The following TELO2 variants were observed in gnomAD, a reference collection of about 807,000 sequenced individuals.
TELO2 encodes telomere maintenance 2.
A neutral mutation model predicts 91.0 loss-of-function variants in TELO2; 71 were observed. The observed-to-expected ratio is 0.78, with a 90% CI of 0.64 to 0.95. TELO2 has a LOEUF of 0.95. Among genes scored for constraint, TELO2 ranks in the 40% least tolerant of loss-of-function variants. TELO2 has a pLI of 0.00. For synonymous variants in TELO2, 584 were observed against 518.9 expected (o/e 1.13, Z -1.71); for missense variants, 1,183 against 1,141.3 (o/e 1.04, Z -0.53).
At position 1,507,633 on chromosome 16, in the gene TELO2, C is replaced by T. The variant is rs930999564; in HGVS notation, c.2324C>T (p.Ser775Phe). ...YVRQGLLSAV[S>F]SVLLSLPAAR... Reference sequence around the variant, plus strand: ...CGCCAGGGGCTGTTGTCGGCCGTCTCCTCCGTCCTGCTCAGCCTGCCTGCT... The same window carrying T: ...CGCCAGGGGCTGTTGTCGGCCGTCTTCTCCGTCCTGCTCAGCCTGCCTGCT... The change falls in exon 20 of 21, where the codon TCC becomes TTC. Residue 775 changes from serine to phenylalanine, a missense_variant. Physicochemically the swap from Ser to Phe is radical, Grantham distance 155 (BLOSUM62 -2). Transcript: ENST00000262319. 2.5e-6 allele frequency: 4 copies of T among 1,598,168 alleles called. No homozygotes were observed. The African/African-American group carries it at 4.0e-5, about 16-fold the overall frequency.
Position 1,500,478 on chromosome 16 carries a change from C to T in TELO2, c.1134C>T (p.Asp378=). The T allele has an allele frequency of 6.2e-7, 1 of 1,610,912 alleles. No individual in the cohort carries two copies. Among genetic ancestry groups the T allele is most frequent in the South Asian group, 1.1e-5 (1 of 90,780 alleles). Residue 378 remains aspartate (D), a synonymous_variant, in exon 8 of 21, where the codon GAC becomes GAT. Transcript: ENST00000262319. ...LAQLGEPELR[D]SRDELLASMM... is the part of the protein sequence containing the mutation. ...AACTCGGGGAGCCGGAACTGCGGGACAGCCGGGATGGTGAGCGGGTGGTTT... is the reference window on the plus strand; with the variant it reads ...AACTCGGGGAGCCGGAACTGCGGGATAGCCGGGATGGTGAGCGGGTGGTTT...
rs147414255 is a variant in TELO2, at chr16:1,510,184, G to A, written c.*248G>A. The A allele has an allele frequency of 1.2e-5, 6 of 514,012 alleles. No homozygotes were observed. Among genetic ancestry groups the A allele is most frequent in the East Asian group, 7.1e-5 (2 of 28,284 alleles). 31.8% of individuals were successfully genotyped at this position (514,012 alleles called of 1,614,324 possible). On this transcript the variant is annotated 3_prime_UTR_variant, in exon 21 of 21. Coordinates refer to ENST00000262319, the MANE Select transcript of TELO2 (RefSeq NM_016111.4). ...TGGACGTGGGGCTGGGGCTGTGGGC[G>A]CTGCTGGCGGGGTTGACTCTTCCAG... is the stretch of plus-strand genomic sequence containing the variant.
chr16:1,499,967 C>A, intron 6 of TELO2, 129 bp from the exon 7 acceptor site: 1 of 1,117,312 alleles, frequency 9.0e-7, no homozygotes, highest in Non-Finnish European at 1.2e-6. Flanking sequence ...AGGCAGTGGC[C>A]GCCCCCATGC....
chr16:1,509,367 C>T (rs951377632), intron 20 of TELO2, among the ~76,000 whole-genome samples: 16 of 152,216 alleles, frequency 1.1e-4, no homozygotes, highest in Non-Finnish European at 1.9e-4. Context: ...CCCCAGGCTG[C>T]AGGAGGCCTT....
In TELO2 at chr16:1,494,602, C is replaced by T. The variant is rs537093632; in HGVS notation, c.321C>T (p.Ile107=). ...CCTTCCTGGTGTTGATGGAGACCAT[C>T]GAGGGTGCTGCGGGGTGAGTGGGCT... ...DQAFLVLMET[I]EGAAGPSFRL... Residue 107 remains isoleucine, a synonymous_variant, in exon 2 of 21, where the codon ATC becomes ATT. Coordinates refer to ENST00000262319, the MANE Select transcript of TELO2 (RefSeq NM_016111.4). The surrounding 1 kb of genome is among the most constrained non-coding windows in gnomAD (Gnocchi z 5.6). 41 of 1,612,610 alleles carry T rather than the reference C, an allele frequency of 2.5e-5. No individual in the cohort carries two copies. The East Asian group carries it at 8.5e-4, about 33-fold the overall frequency.
At chr16:1,500,840 C>A (rs2039654024) in intron 9 of TELO2, 141 bp downstream of exon 9, 6 of 1,381,934 alleles carry the variant, frequency 4.3e-6, no homozygotes, top group Non-Finnish European at 5.8e-6. Flanking sequence ...AGGGCTGAGG[C>A]TGGAAGCTGT....
intron 2 of TELO2, 71 bp from the exon 3 acceptor site, chr16:1,495,275 G>C (rs1416867504): frequency 1.0e-5 from 15 of 1,482,464 alleles, no homozygotes; most frequent in Non-Finnish European, 1.4e-5. Flanking sequence ...CGGGCTGCTG[G>C]TTCCTTGTGG....
Position 1,494,452 on chromosome 16 carries a change from C to T in TELO2, c.171C>T (p.Ala57=). The change falls in exon 2 of 21, where the codon GCC becomes GCT. Residue 57 remains alanine (A), a synonymous_variant. Coordinates refer to ENST00000262319, the MANE Select transcript of TELO2 (RefSeq NM_016111.4). This position sits in a 1 kb window ranked among gnomAD's most constrained non-coding sequence, Gnocchi z 5.6. ...LPREKEEFAS[A]HFSPVLRCLA... ...GGGAGAAGGAGGAGTTTGCCTCGGC[C>T]CACTTCTCGCCTGTCCTCAGATGTC... is the stretch of plus-strand genomic sequence containing the variant. The T allele has an allele frequency of 1.2e-6, 2 of 1,613,402 alleles. No individual in the cohort carries two copies. Among genetic ancestry groups the T allele is most frequent in the Non-Finnish European group, 1.7e-6 (2 of 1,179,974 alleles).
chr16:1,503,937 A>C (rs2039793877), intron 15 of TELO2, among the ~76,000 whole-genome samples: 1 of 151,872 alleles, frequency 6.6e-6, no homozygotes, highest in Non-Finnish European at 1.5e-5. Flanking sequence ...TTTGAGATCA[A>C]CCTGGTCAAC....
chr16:1,509,672 C>T (rs2040058407), intron 20 of TELO2, among the ~76,000 whole-genome samples, 158 bp from the exon 21 acceptor site: 1 of 152,256 alleles, frequency 6.6e-6, no homozygotes, highest in Admixed American at 6.5e-5. Context: ...ATGCAGGCCC[C>T]AAGGCCGTGG....
At chr16:1,501,581 ACC>A in intron 10 of TELO2, 80 bp from the exon 11 acceptor site, 1 of 1,565,870 alleles carries the variant, frequency 6.4e-7, no homozygotes, top group East Asian at 2.3e-5. Context: ...GAGGGGGGAA[ACC>A]CTTTCTTTCT....
At position 1,497,969 on chromosome 16, in the gene TELO2, G is replaced by A. The variant is rs1311717004; in HGVS notation, c.830+461G>A. Among the ~76,000 whole-genome samples, 1 of 151,442 alleles carries A rather than the reference G, an allele frequency of 6.6e-6. No homozygotes were observed. The highest frequency in any genetic ancestry group is 2.4e-5 in the African/African-American group (1 of 41,158). On this transcript the variant is annotated intron_variant, in intron 5 of 20. Coordinates refer to ENST00000262319, the MANE Select transcript of TELO2 (RefSeq NM_016111.4). The surrounding 1 kb of genome is among the most constrained non-coding windows in gnomAD (Gnocchi z 4.0). ...CTCAGATGTCTCCCCTCCCTTCAAC[G>A]TGTGCAAGGACATACCTGTCTCTGC... is the stretch of plus-strand genomic sequence containing the variant.
intron 3 of TELO2, among the ~76,000 whole-genome samples, chr16:1,496,539 C>T (rs2039498784): frequency 6.6e-6 from 1 of 152,338 alleles, no homozygotes; most frequent in Non-Finnish European, 1.5e-5. Flanking sequence ...GTCCTGGTCC[C>T]CACGCGGCTC....
chr16:1,502,440 G>A (rs1335317157), intron 13 of TELO2, 36 bp downstream of exon 13: 6 of 1,566,022 alleles, frequency 3.8e-6, no homozygotes, highest in Non-Finnish European at 5.2e-6. Flanking sequence ...GGAGGCCCAA[G>A]ATGGTAGCTC....
In TELO2 at chr16:1,495,397, C is replaced by T. The variant is rs773012771; in HGVS notation, c.387C>T (p.Arg129=). 3.7e-5 allele frequency: 58 copies of T among 1,579,390 alleles called. No individual in the cohort carries two copies. The Admixed American group carries it at 5.1e-4, about 14-fold the overall frequency. The stretch of plus-strand genomic sequence containing the variant: ...CGCGGCTGCTGGCCAGATTCCTGCG[C>T]GAGGGCCGGCTGGCAGTGCTGATGG... The part of the protein sequence containing the change: ...KMARLLARFL[R]EGRLAVLMEA... Residue 129 remains arginine (R), a synonymous_variant, in exon 3 of 21, where the codon CGC becomes CGT. Coordinates refer to ENST00000262319, the MANE Select transcript of TELO2 (RefSeq NM_016111.4).
At position 1,497,124 on chromosome 16, in the gene TELO2, C is replaced by T. The variant is rs146950517; in HGVS notation, c.682+20C>T. On this transcript the variant is annotated intron_variant, in intron 4 of 20. Transcript: ENST00000262319. This position sits in a 1 kb window ranked among gnomAD's most constrained non-coding sequence, Gnocchi z 4.0. The stretch of plus-strand genomic sequence containing the variant: ...GGCAGCGTGAGTAGAGCAGTGCCTT[C>T]CTGCCCATCCTGCCCCGACCCTCAC... 2,116 of 1,613,326 alleles carry T rather than the reference C, an allele frequency of 1.3e-3. 37 individuals carry two copies. In the African/African-American group the frequency reaches 0.024, roughly 19 times the overall value.
chr16:1,506,945 G>A lies in TELO2; in HGVS notation c.2127-7G>A, dbSNP rs1419874163. Reference sequence around the variant, plus strand: ...CGCTGCACCTTGGGCTCCATCCTGTGCTCTAGGCCTCTGGTGACCTTCGAC... The same window carrying A: ...CGCTGCACCTTGGGCTCCATCCTGTACTCTAGGCCTCTGGTGACCTTCGAC... On this transcript the variant is annotated splice_polypyrimidine_tract_variant and splice_region_variant and intron_variant, in intron 17 of 20. Coordinates refer to ENST00000262319, the MANE Select transcript of TELO2 (RefSeq NM_016111.4). 1.2e-6 allele frequency: 2 copies of A among 1,606,040 alleles called. No individual in the cohort carries two copies. The highest frequency in any genetic ancestry group is 1.7e-6 in the Non-Finnish European group (2 of 1,176,204).
chr16:1,497,651 C>A lies in TELO2; in HGVS notation c.830+143C>A. ...GGTGCCACAGGGTGTGGGTGGTGCCCTCTCAGTTCCCGCACGTGCTGATGG... is the reference window on the plus strand; with the variant it reads ...GGTGCCACAGGGTGTGGGTGGTGCCATCTCAGTTCCCGCACGTGCTGATGG... On this transcript the variant is annotated intron_variant, in intron 5 of 20. Transcript: ENST00000262319. This position sits in a 1 kb window ranked among gnomAD's most constrained non-coding sequence, Gnocchi z 4.0. 1 of 1,153,140 alleles carries A rather than the reference C, an allele frequency of 8.7e-7. No homozygotes were observed. Among genetic ancestry groups the A allele is most frequent in the Non-Finnish European group, 1.2e-6 (1 of 843,810 alleles). 71.4% of individuals were successfully genotyped at this position (1,153,140 alleles called of 1,614,324 possible). A position where few individuals can be genotyped will look rare whatever the true frequency, so the allele number is the denominator to read the frequency against.
intron 14 of TELO2, 52 bp from the exon 15 acceptor site, chr16:1,502,879 C>G: frequency 6.2e-7 from 1 of 1,606,068 alleles, no homozygotes; most frequent in East Asian, 2.2e-5. Context: ...GGAGGTCGCC[C>G]CGGGTGGCCC....
Sources: gnomAD v4.1 joint callset for allele counts (sites outside exome capture counted in the v4.1 genomes callset) on GRCh38, gnomAD v4.1.1 for gene constraint, Gnocchi (gnomAD v3.1) non-coding constraint, MANE v1.5 for transcripts, NCBI Gene and HGNC (gene_info 2026-07-23, HGNC 2026-07-21) for gene names.